Variants in SACM1L observed in about 807,000 individuals in gnomAD.
SACM1L encodes SAC1 like phosphatidylinositide phosphatase, also known as phosphatidylinositol-3-phosphatase SAC1.
In SACM1L, 32 loss-of-function variants were observed where a neutral mutation model predicts 89.5. That is an observed-to-expected ratio of 0.36 (90% CI 0.27 to 0.48). The LOEUF (loss-of-function observed/expected upper bound fraction) is 0.48. SACM1L is among the 20% of genes least tolerant of loss of function. The probability of loss-of-function intolerance (pLI) is 0.99; values close to 1 mark genes in which losing one functional copy is unlikely to be tolerated. For missense variants in SACM1L, 543 were observed against 708.5 expected (o/e 0.77, Z 2.65); for synonymous variants, 213 against 232.8 (o/e 0.92, Z 0.77).
At chr3:45,715,721 C>T (rs1698638111) in intron 7 of SACM1L, among the ~76,000 whole-genome samples, 1 of 151,320 alleles carries the variant, frequency 6.6e-6, no homozygotes, top group Non-Finnish European at 1.5e-5. Flanking sequence ...TTGCAGTGAG[C>T]CGAGATCGTG....
At chr3:45,737,252 T>C in intron 14 of SACM1L, 1 of 279,690 alleles carries the variant, frequency 3.6e-6, no homozygotes, top group Admixed American at 5.3e-5. Flanking sequence ...AGTAGAAGAC[T>C]GGGGGTAAGA....
chr3:45,718,144 A>C (rs1197049200), intron 7 of SACM1L, among the ~76,000 whole-genome samples: 1 of 152,240 alleles, frequency 6.6e-6, no homozygotes, highest in African/African-American at 2.4e-5. Flanking sequence ...AACAGCTGGC[A>C]TGTCCATGGA....
intron 1 of SACM1L, among the ~76,000 whole-genome samples, chr3:45,698,802 C>T (rs1698190988): frequency 6.6e-6 from 1 of 152,052 alleles, no homozygotes; most frequent in African/African-American, 2.4e-5. Flanking sequence ...GAGTCTTGCT[C>T]TGTCACCAGC....
chr3:45,735,220 A>T lies in SACM1L; in HGVS notation c.1101-15A>T. The T allele has an allele frequency of 6.2e-7, 1 of 1,600,370 alleles. No individual in the cohort carries two copies. Among genetic ancestry groups the T allele is most frequent in the Non-Finnish European group, 8.5e-7 (1 of 1,176,054 alleles). On this transcript the variant is annotated splice_polypyrimidine_tract_variant and intron_variant, in intron 13 of 19. Transcript: ENST00000389061. ...CCTACTTTGGTATGAGAGTGTTTAT[A>T]CAAATATGTTTTAGTTATTTTCTAG...
chr3:45,699,822 G>A (rs1295920637), intron 1 of SACM1L, among the ~76,000 whole-genome samples: 1 of 152,066 alleles, frequency 6.6e-6, no homozygotes, highest in Non-Finnish European at 1.5e-5. Context: ...GCGCCCAGCC[G>A]AGAAAAACTT....
chr3:45,737,388 C>T (rs1460083989), intron 14 of SACM1L, 195 bp from the exon 15 acceptor site: 1 of 601,324 alleles, frequency 1.7e-6, no homozygotes, highest in African/African-American at 1.9e-5. Flanking sequence ...AAGGTGCCCT[C>T]AGGAGAGGCT....
intron 11 of SACM1L, among the ~76,000 whole-genome samples, chr3:45,724,948 C>G (rs1698883865): frequency 6.6e-6 from 1 of 152,074 alleles, no homozygotes; most frequent in Non-Finnish European, 1.5e-5. Context: ...AAAGACTGTT[C>G]TTTTCCTTTG....
At chr3:45,708,046 A>G (rs1559540241) in intron 4 of SACM1L, among the ~76,000 whole-genome samples, 2 of 149,914 alleles carry the variant, frequency 1.3e-5, no homozygotes, top group Non-Finnish European at 1.5e-5. Flanking sequence ...ATATAAGTTA[A>G]TATCTATAAC....
chr3:45,743,883 G>C lies in SACM1L; in HGVS notation c.*214G>C. Reference sequence around the variant, plus strand: ...GGGACAGTTAGATTTATAATTTGAAGCTATTCTGTAATTAAAATATAACCT... The same window carrying C: ...GGGACAGTTAGATTTATAATTTGAACCTATTCTGTAATTAAAATATAACCT... On this transcript the variant is annotated 3_prime_UTR_variant, in exon 20 of 20. Coordinates refer to ENST00000389061, the MANE Select transcript of SACM1L (RefSeq NM_014016.5). The C allele has an allele frequency of 4.9e-6, 2 of 406,130 alleles. No individual in the cohort carries two copies. Among genetic ancestry groups the C allele is most frequent in the Non-Finnish European group, 8.6e-6 (2 of 233,134 alleles). The allele number at this position is 406,130 out of a possible 1,614,324, so 25.2% of individuals were successfully genotyped here.
chr3:45,730,730 A>G (rs1321748095), intron 11 of SACM1L: 1 of 152,212 alleles, frequency 6.6e-6, no homozygotes, highest in Non-Finnish European at 1.5e-5. Flanking sequence ...CTAATTTCCT[A>G]AGAATATCAC....
At chr3:45,715,802 T>C (rs1698642292) in intron 7 of SACM1L, among the ~76,000 whole-genome samples, 1 of 152,056 alleles carries the variant, frequency 6.6e-6, no homozygotes, top group Admixed American at 6.6e-5. Context: ...TTTATCCTTA[T>C]TTAGTGCCTT....
intron 19 of SACM1L, 68 bp downstream of exon 19, chr3:45,739,712 T>G (rs1699276148): frequency 1.4e-6 from 2 of 1,436,542 alleles, no homozygotes; most frequent in Non-Finnish European, 2.0e-6. Context: ...ATCTTAAGTT[T>G]TTGAGTTCAC....
At chr3:45,699,863 T>A (rs1698226472) in intron 1 of SACM1L, among the ~76,000 whole-genome samples, 1 of 152,218 alleles carries the variant, frequency 6.6e-6, no homozygotes, top group Non-Finnish European at 1.5e-5. Context: ...TAGTTTTTTT[T>A]CTGTGTGTGC....
intron 8 of SACM1L, 49 bp downstream of exon 8, chr3:45,719,650 T>TA: frequency 9.3e-7 from 1 of 1,080,230 alleles, no homozygotes; most frequent in Non-Finnish European, 1.4e-6. Flanking sequence ...TATTTTGTCT[T>TA]ACGGTGACAC....
chr3:45,745,402 C>A lies in SACM1L; in HGVS notation c.*1733C>A, dbSNP rs1046774474. 6.6e-6 allele frequency: 1 copy of A among 152,586 alleles called. No individual in the cohort carries two copies. Among genetic ancestry groups the A allele is most frequent in the Non-Finnish European group, 1.5e-5 (1 of 68,030 alleles). The allele number at this position is 152,586 out of a possible 1,614,324, so 9.5% of individuals were successfully genotyped here. On this transcript the variant is annotated 3_prime_UTR_variant, in exon 20 of 20. Transcript: ENST00000389061. The stretch of plus-strand genomic sequence containing the variant: ...ATAAGTGAAAATAAAATGTCATATT[C>A]TTTTCTATTATTGGTATCATTCATG...
chr3:45,700,317 G>C (rs1575386337), intron 1 of SACM1L, among the ~76,000 whole-genome samples: 1 of 152,176 alleles, frequency 6.6e-6, no homozygotes. Context: ...ATACAGCTGT[G>C]AACTTAAAAG....
chr3:45,689,732 T>A, intron 1 of SACM1L: 1 of 602,284 alleles, frequency 1.7e-6, no homozygotes, highest in South Asian at 2.0e-5. Context: ...CGCCCACGGC[T>A]GAAGAGAGAA....
chr3:45,709,739 G>A, intron 5 of SACM1L, 92 bp downstream of exon 5: 1 of 1,150,934 alleles, frequency 8.7e-7, no homozygotes, highest in East Asian at 2.6e-5. Flanking sequence ...ATTTTTCTCA[G>A]TCCTGGCTAT....
intron 1 of SACM1L, among the ~76,000 whole-genome samples, chr3:45,699,272 T>TA (rs1449707748): frequency 4.0e-5 from 6 of 150,970 alleles, no homozygotes; most frequent in Non-Finnish European, 7.4e-5. Flanking sequence ...CCCTAAAACT[T>TA]AAAGTATAAT....
Sources: gnomAD v4.1 joint callset for allele counts (sites outside exome capture counted in the v4.1 genomes callset) on GRCh38, gnomAD v4.1.1 for gene constraint, MANE v1.5 for transcripts, NCBI Gene and HGNC (gene_info 2026-07-23, HGNC 2026-07-21) for gene names.